The following DHRSX variants were observed in gnomAD, a reference collection of about 807,000 sequenced individuals.
DHRSX encodes the protein polyprenol dehydrogenase.
DHRSX carries 31 observed loss-of-function variants against 34.0 expected under a neutral mutation model. The ratio of observed to expected loss-of-function variants is 0.91; its 90% CI spans 0.69 to 1.23. The LOEUF (loss-of-function observed/expected upper bound fraction) is 1.23. Among genes scored for constraint, DHRSX ranks in the 50% most tolerant of loss-of-function variants. The pLI is 0.00. For missense variants in DHRSX, 414 were observed against 428.1 expected (o/e 0.97, Z 0.29); for synonymous variants, 201 against 183.8 (o/e 1.09, Z -0.76).
At chrX:2,461,744 G>A (rs1174685655) in intron 1 of DHRSX, among the ~76,000 whole-genome samples, 2 of 152,034 alleles carry the variant, frequency 1.3e-5, no homozygotes, top group South Asian at 2.1e-4. Context: ...AGCATCTCTC[G>A]CTTGGTTTCC....
At chrX:2,290,815 G>A (rs1476286191) in intron 4 of DHRSX, among the ~76,000 whole-genome samples, 2 of 152,166 alleles carry the variant, frequency 1.3e-5, no homozygotes, top group Non-Finnish European at 2.9e-5. Context: ...CCTCAGTGTG[G>A]AGGGTTCAGG....
At chrX:2,402,127 T>C (rs940861497) in intron 3 of DHRSX, among the ~76,000 whole-genome samples, 5 of 152,102 alleles carry the variant, frequency 3.3e-5, no homozygotes, top group African/African-American at 1.2e-4. Context: ...GTTGAAATAA[T>C]TGTGTGACTG....
intron 1 of DHRSX, among the ~76,000 whole-genome samples, chrX:2,450,691 G>C (rs1024831550): frequency 4.0e-5 from 6 of 151,796 alleles, no homozygotes; most frequent in African/African-American, 1.4e-4. Flanking sequence ...AAGCAAGGAG[G>C]GTTTCTGTGT....
At chrX:2,250,694 G>T (rs1400138461) in intron 5 of DHRSX, among the ~76,000 whole-genome samples, 1 of 152,120 alleles carries the variant, frequency 6.6e-6, no homozygotes, top group South Asian at 2.1e-4. Context: ...TATCAGCAGG[G>T]CCTTTGTGAC....
chrX:2,329,387 G>T (rs775501557), intron 3 of DHRSX, among the ~76,000 whole-genome samples: 1 of 152,226 alleles, frequency 6.6e-6, no homozygotes, highest in East Asian at 1.9e-4. Flanking sequence ...CGCCATATTG[G>T]TTTTCTTCCA....
chrX:2,254,356 G>C (rs148521265), intron 5 of DHRSX, among the ~76,000 whole-genome samples: 1 of 152,100 alleles, frequency 6.6e-6, no homozygotes, highest in Non-Finnish European at 1.5e-5. Context: ...AAACTCAATC[G>C]ACTGCTCATA....
intron 1 of DHRSX, among the ~76,000 whole-genome samples, chrX:2,458,751 G>A (rs2044349893): frequency 6.6e-6 from 1 of 152,026 alleles, no homozygotes; most frequent in Admixed American, 6.6e-5. Context: ...GAATCACAAT[G>A]CTATGGAAGG....
At chrX:2,489,265 G>A (rs1185444685) in intron 1 of DHRSX, 5 of 1,613,990 alleles carry the variant, frequency 3.1e-6, no homozygotes, top group Non-Finnish European at 4.2e-6. Flanking sequence ...CGAAGGCGGA[G>A]AGGAAGGGCA....
At chrX:2,466,663 A>C (rs1050896136) in intron 1 of DHRSX, among the ~76,000 whole-genome samples, 1 of 152,100 alleles carries the variant, frequency 6.6e-6, no homozygotes, top group Admixed American at 6.6e-5. Flanking sequence ...AGAGGATCGA[A>C]AAACTACCTA....
At chrX:2,361,464 G>C (rs1474281728) in intron 3 of DHRSX, among the ~76,000 whole-genome samples, 6 of 152,090 alleles carry the variant, frequency 3.9e-5, no homozygotes, top group African/African-American at 1.4e-4. Context: ...ACTTATGGTA[G>C]GTACAAACTA....
intron 1 of DHRSX, among the ~76,000 whole-genome samples, chrX:2,474,260 G>A (rs1380290970): frequency 6.6e-6 from 1 of 152,112 alleles, no homozygotes; most frequent in Non-Finnish European, 1.5e-5. Flanking sequence ...CCCAAAGCAT[G>A]TGGCCAAGGG....
At chrX:2,462,219 A>G (rs2044412382) in intron 1 of DHRSX, among the ~76,000 whole-genome samples, 1 of 152,088 alleles carries the variant, frequency 6.6e-6, no homozygotes, top group African/African-American at 2.4e-5. Context: ...AGCAAGAAAA[A>G]AAAAGAACAG....
chrX:2,387,264 C>A (rs1253091481), intron 3 of DHRSX, among the ~76,000 whole-genome samples: 1 of 152,156 alleles, frequency 6.6e-6, no homozygotes, highest in Admixed American at 6.5e-5. Context: ...TCCCTATCAA[C>A]TGAGGCAGCA....
At position 2,338,965 on chromosome X, in the gene DHRSX, A is replaced by G. The variant is rs1346060212; in HGVS notation, c.287-47362T>C. Among the ~76,000 whole-genome samples, 6 of 151,898 alleles carry G rather than the reference A, an allele frequency of 4.0e-5. No homozygotes were observed. In the East Asian group the frequency reaches 1.2e-3, roughly 29 times the overall value. On this transcript the variant is annotated intron_variant, in intron 3 of 6. Coordinates refer to ENST00000334651, the MANE Select transcript of DHRSX (RefSeq NM_145177.3). The stretch of plus-strand genomic sequence containing the variant: ...TCCCACTCCCCATATGAGCTCAGAA[A>G]CTTCCGGAAGCTGGTACACTCATGG...
chrX:2,305,176 G>A (rs1197081719), intron 3 of DHRSX, among the ~76,000 whole-genome samples: 1 of 152,044 alleles, frequency 6.6e-6, no homozygotes, highest in Non-Finnish European at 1.5e-5. Flanking sequence ...GATACAGGGA[G>A]GGGAACAACA....
Position 2,303,853 on chromosome X carries a change from G to A in DHRSX, c.287-12250C>T, listed in dbSNP as rs865926596. Among the ~76,000 whole-genome samples, 137 of 31,524 alleles carry A rather than the reference G, an allele frequency of 4.3e-3. 1 individual carries two copies. Among genetic ancestry groups the A allele is most frequent in the African/African-American group, 5.4e-3 (94 of 17,258 alleles). The allele number at this position is 31,524 out of a possible 152,430, so 20.7% of individuals were successfully genotyped here. On this transcript the variant is annotated intron_variant, in intron 3 of 6. Transcript: ENST00000334651. Reference sequence around the variant, plus strand: ...GGTGGATGGATGGATGGATGGATGGGTGGATGGGTGGATGGGTGGATGGGT... The same window carrying A: ...GGTGGATGGATGGATGGATGGATGGATGGATGGGTGGATGGGTGGATGGGT...
chrX:2,299,920 C>G (rs372059052), intron 3 of DHRSX, among the ~76,000 whole-genome samples: 13 of 151,728 alleles, frequency 8.6e-5, no homozygotes, highest in African/African-American at 2.9e-4. Context: ...TTCCTGAGGG[C>G]AAGTCAGAAA....
At chrX:2,360,013 C>G (rs764774413) in intron 3 of DHRSX, among the ~76,000 whole-genome samples, 1 of 152,210 alleles carries the variant, frequency 6.6e-6, no homozygotes, top group South Asian at 2.1e-4. Flanking sequence ...AACAAACCCC[C>G]ATGACACGAG....
At chrX:2,239,454 G>A (rs2016089749) in intron 6 of DHRSX, among the ~76,000 whole-genome samples, 1 of 151,644 alleles carries the variant, frequency 6.6e-6, no homozygotes, top group Non-Finnish European at 1.5e-5. Flanking sequence ...GCAAGACCTG[G>A]TCTCTAAAAA....
Sources: gnomAD v4.1 joint callset for allele counts (sites outside exome capture counted in the v4.1 genomes callset) on GRCh38, gnomAD v4.1.1 for gene constraint, MANE v1.5 for transcripts, NCBI Gene and HGNC (gene_info 2026-07-23, HGNC 2026-07-21) for gene names.